ST8SIA6: variants seen among roughly 807,000 people sequenced by gnomAD.
ST8SIA6 encodes the protein alpha-2,8-sialyltransferase 8F.
ST8SIA6 carries 39 observed loss-of-function variants against 33.6 expected under a neutral mutation model. The ratio of observed to expected loss-of-function variants is 1.16; its 90% CI spans 0.90 to 1.52. The LOEUF is 1.52. ST8SIA6 is among the 40% of genes most tolerant of loss of function. ST8SIA6 has a pLI of 0.00. For missense variants in ST8SIA6, 441 were observed against 443.8 expected (o/e 0.99, Z 0.06); for synonymous variants, 172 against 167.2 (o/e 1.03, Z -0.22).
chr10:17,331,316 T>A, intron 5 of ST8SIA6, 92 bp downstream of exon 5: 1 of 1,433,418 alleles, frequency 7.0e-7, no homozygotes, highest in Non-Finnish European at 9.3e-7. Flanking sequence ...GTATTTTAAT[T>A]GAGTCCATCA....
chr10:17,332,897 T>G (rs767768089), intron 4 of ST8SIA6, among the ~76,000 whole-genome samples: 195 of 152,302 alleles, frequency 1.3e-3, no homozygotes, highest in Admixed American at 2.2e-3. Context: ...TTTGTCCACT[T>G]TTTGGTGGGG....
At chr10:17,437,737 T>TCCCTTCC (rs1852330586) in intron 2 of ST8SIA6, among the ~76,000 whole-genome samples, 2 of 141,574 alleles carry the variant, frequency 1.4e-5, no homozygotes, top group African/African-American at 5.6e-5. Flanking sequence ...TCCCTCCCTT[T>TCCCTTCC]CTCTCTTTCT....
intron 7 of ST8SIA6, among the ~76,000 whole-genome samples, chr10:17,322,854 A>T (rs1202919628): frequency 2.6e-5 from 4 of 152,214 alleles, no homozygotes. Context: ...TTAGCTTATG[A>T]CATTGGAAGT....
chr10:17,419,418 G>C (rs780405406), intron 2 of ST8SIA6, among the ~76,000 whole-genome samples: 4 of 152,112 alleles, frequency 2.6e-5, no homozygotes, highest in Non-Finnish European at 4.4e-5. Flanking sequence ...TGTGGTCCCA[G>C]CTACTTGGAA....
At chr10:17,427,950 C>A (rs1851988119) in intron 2 of ST8SIA6, among the ~76,000 whole-genome samples, 1 of 152,136 alleles carries the variant, frequency 6.6e-6, no homozygotes, top group Non-Finnish European at 1.5e-5. Context: ...TCTCTTTTTG[C>A]CTCTGAGTTT....
intron 3 of ST8SIA6, among the ~76,000 whole-genome samples, chr10:17,387,621 A>G (rs1850430430): frequency 6.6e-6 from 1 of 152,188 alleles, no homozygotes; most frequent in Non-Finnish European, 1.5e-5. Flanking sequence ...GAGCTAACAT[A>G]CAGGACTGGA....
intron 4 of ST8SIA6, among the ~76,000 whole-genome samples, chr10:17,334,551 A>T (rs1017825859): frequency 7.0e-6 from 1 of 142,784 alleles, no homozygotes; most frequent in African/African-American, 2.6e-5. Flanking sequence ...AAAAAAAAAA[A>T]ATTATTATTA....
chr10:17,440,978 G>A (rs990040117), intron 2 of ST8SIA6, among the ~76,000 whole-genome samples: 1 of 152,114 alleles, frequency 6.6e-6, no homozygotes, highest in Non-Finnish European at 1.5e-5. Context: ...TGAGTTGCAA[G>A]AGTTCATTAC....
chr10:17,353,584 A>C, intron 4 of ST8SIA6, among the ~76,000 whole-genome samples: 1 of 152,332 alleles, frequency 6.6e-6, no homozygotes, highest in South Asian at 2.1e-4. Context: ...CACAAGAAAG[A>C]CAAAGGAATA....
At chr10:17,333,693 ATATATATATATATATATATATATATTTT>A (rs1419227442) in intron 4 of ST8SIA6, among the ~76,000 whole-genome samples, 4 of 20,224 alleles carry the variant, frequency 2.0e-4, no homozygotes, top group African/African-American at 8.1e-4. Context: ...ATATATATAT[ATATATATATATATATATATATATATTTT>A]TTTTTTTTTT....
intron 2 of ST8SIA6, among the ~76,000 whole-genome samples, chr10:17,406,125 GT>G (rs932009728): frequency 3.3e-5 from 5 of 152,156 alleles, no homozygotes; most frequent in African/African-American, 9.7e-5. Context: ...TGACATAAAT[GT>G]TTTTTGAGCT....
chr10:17,352,058 T>A (rs72776931), intron 4 of ST8SIA6, among the ~76,000 whole-genome samples: 9 of 104,152 alleles, frequency 8.6e-5, no homozygotes, highest in Admixed American at 2.7e-4. Context: ...AAAAAAAAAA[T>A]GTTAAGCATA....
intron 4 of ST8SIA6, among the ~76,000 whole-genome samples, chr10:17,342,473 G>T (rs1355864853): frequency 6.6e-6 from 1 of 152,188 alleles, no homozygotes; most frequent in Non-Finnish European, 1.5e-5. Flanking sequence ...TGTGTTTGAG[G>T]ATAATTCTTT....
At chr10:17,338,322 C>A (rs943945715) in intron 4 of ST8SIA6, among the ~76,000 whole-genome samples, 12 of 152,156 alleles carry the variant, frequency 7.9e-5, no homozygotes, top group African/African-American at 2.4e-4. Flanking sequence ...CGTGAGCCAC[C>A]GTGCCCGGCT....
intron 5 of ST8SIA6, among the ~76,000 whole-genome samples, chr10:17,329,732 A>T (rs1034641624): frequency 1.3e-5 from 2 of 152,206 alleles, no homozygotes; most frequent in African/African-American, 4.8e-5. Context: ...GAAAACATCT[A>T]TATGCTTTAG....
intron 3 of ST8SIA6, among the ~76,000 whole-genome samples, chr10:17,386,552 A>G (rs1850356728): frequency 6.6e-6 from 1 of 152,078 alleles, no homozygotes; most frequent in South Asian, 2.1e-4. Flanking sequence ...AAAGAAAGAA[A>G]AGCATGTAGT....
chr10:17,331,516 G>C lies in ST8SIA6; in HGVS notation c.414C>G (p.Asn138Lys). ...KLASCCDAVQNFVVSQNNTPV... is the reference protein window; with the variant it reads ...KLASCCDAVQKFVVSQNNTPV... ...GAGTGTTATTCTGAGAAACAACAAA[G>C]TTTTGAACAGCATCACAGCAGGAAG... Residue 138 changes from asparagine to lysine, a missense_variant, in exon 5 of 8, where the codon AAC becomes AAG. Physicochemically the swap from Asn to Lys is moderately conservative, Grantham distance 94. Coordinates refer to ENST00000377602, the MANE Select transcript of ST8SIA6 (RefSeq NM_001004470.3). 2 of 1,612,418 alleles carry C rather than the reference G, an allele frequency of 1.2e-6. No homozygotes were observed. Among genetic ancestry groups the C allele is most frequent in the Non-Finnish European group, 1.7e-6 (2 of 1,179,530 alleles).
intron 4 of ST8SIA6, among the ~76,000 whole-genome samples, chr10:17,354,926 C>T (rs1335792987): frequency 6.6e-6 from 1 of 152,172 alleles, no homozygotes. Context: ...TTAAGCCTTT[C>T]ATGTTTCCGG....
chr10:17,415,273 T>C (rs1851566933), intron 2 of ST8SIA6, among the ~76,000 whole-genome samples: 1 of 152,180 alleles, frequency 6.6e-6, no homozygotes, highest in South Asian at 2.1e-4. Flanking sequence ...TGAGAGCACA[T>C]GGAGAGCAGC....
Sources: gnomAD v4.1 joint callset for allele counts (sites outside exome capture counted in the v4.1 genomes callset) on GRCh38, gnomAD v4.1.1 for gene constraint, MANE v1.5 for transcripts, NCBI Gene and HGNC (gene_info 2026-07-23, HGNC 2026-07-21) for gene names.